ARHGAP15: variants seen among roughly 807,000 people sequenced by gnomAD.
ARHGAP15 encodes the protein Rho GTPase activating protein 15.
ARHGAP15 carries 51 observed loss-of-function variants against 63.7 expected under a neutral mutation model. That is an observed-to-expected ratio of 0.80 (90% confidence interval 0.64 to 1.01). The LOEUF is 1.01. Among genes scored for constraint, ARHGAP15 ranks in the 50% least tolerant of loss-of-function variants. The probability of loss-of-function intolerance (pLI) is 0.00; values close to 1 mark genes in which losing one functional copy is unlikely to be tolerated. For missense variants in ARHGAP15, 560 were observed against 564.6 expected (o/e 0.99, Z 0.08); for synonymous variants, 191 against 193.8 (o/e 0.99, Z 0.12).
intron 1 of ARHGAP15, among the ~76,000 whole-genome samples, chr2:143,141,177 C>A (rs1047721422): frequency 1.4e-4 from 21 of 152,062 alleles, no homozygotes; most frequent in African/African-American, 4.8e-4. Flanking sequence ...AATCCAACAA[C>A]ACTTGGGATT....
chr2:143,153,769 T>C (rs1481448067), intron 1 of ARHGAP15, among the ~76,000 whole-genome samples: 3 of 151,466 alleles, frequency 2.0e-5, no homozygotes, highest in Non-Finnish European at 4.4e-5. Context: ...AATGAAATTA[T>C]ATAATAAATC....
At chr2:143,240,919 T>C (rs1657524017) in intron 5 of ARHGAP15, among the ~76,000 whole-genome samples, 1 of 152,178 alleles carries the variant, frequency 6.6e-6, no homozygotes, top group African/African-American at 2.4e-5. Flanking sequence ...TAATTTTTAA[T>C]AACCACAGAA....
intron 12 of ARHGAP15, among the ~76,000 whole-genome samples, chr2:143,677,776 A>T (rs1682898465): frequency 6.6e-6 from 1 of 152,184 alleles, no homozygotes; most frequent in African/African-American, 2.4e-5. Flanking sequence ...AAATCTTAAA[A>T]CTCAAAGATA....
At chr2:143,160,842 AG>A (rs1314119156) in intron 2 of ARHGAP15, among the ~76,000 whole-genome samples, 1 of 151,982 alleles carries the variant, frequency 6.6e-6, no homozygotes, top group Non-Finnish European at 1.5e-5. Context: ...ACTTGCCAAA[AG>A]GTTCAGAAAG....
At chr2:143,390,116 T>A (rs922928426) in intron 6 of ARHGAP15, among the ~76,000 whole-genome samples, 1 of 151,894 alleles carries the variant, frequency 6.6e-6, no homozygotes, top group Non-Finnish European at 1.5e-5. Context: ...CCTTTAAATA[T>A]AAAAGAGATA....
At chr2:143,640,371 A>C (rs1032691196) in intron 12 of ARHGAP15, among the ~76,000 whole-genome samples, 5 of 152,078 alleles carry the variant, frequency 3.3e-5, no homozygotes, top group African/African-American at 1.2e-4. Context: ...TTGACAGTAA[A>C]TTCAAGAATT....
At chr2:143,332,395 TAAG>T (rs1481295797) in intron 6 of ARHGAP15, among the ~76,000 whole-genome samples, 2 of 152,146 alleles carry the variant, frequency 1.3e-5, no homozygotes, top group African/African-American at 2.4e-5. Flanking sequence ...AAATGCTTAA[TAAG>T]ATCTTCATCT....
At chr2:143,610,835 TCTC>T (rs1237206956) in intron 11 of ARHGAP15, among the ~76,000 whole-genome samples, 1 of 151,884 alleles carries the variant, frequency 6.6e-6, no homozygotes, top group African/African-American at 2.4e-5. Context: ...TTCAAGCAAT[TCTC>T]CTGTTTCAGC....
intron 5 of ARHGAP15, 21 bp from the exon 6 acceptor site, chr2:143,250,490 A>T (rs1558841692): frequency 5.6e-6 from 9 of 1,593,664 alleles, no homozygotes; most frequent in Non-Finnish European, 7.7e-6. Context: ...TCTTATTCTT[A>T]CTTCATTTTT....
chr2:143,179,602 T>C (rs1345694205), intron 2 of ARHGAP15, among the ~76,000 whole-genome samples: 1 of 152,184 alleles, frequency 6.6e-6, no homozygotes, highest in Non-Finnish European at 1.5e-5. Context: ...TAAAAAACAA[T>C]ATGAGCCAAG....
intron 6 of ARHGAP15, among the ~76,000 whole-genome samples, chr2:143,306,605 G>A (rs1173049145): frequency 6.6e-6 from 1 of 152,130 alleles, no homozygotes; most frequent in Non-Finnish European, 1.5e-5. Flanking sequence ...ACTTAGGAGA[G>A]GATCTATAAA....
intron 12 of ARHGAP15, among the ~76,000 whole-genome samples, chr2:143,646,448 C>T (rs902949824): frequency 6.6e-6 from 1 of 151,946 alleles, no homozygotes; most frequent in Non-Finnish European, 1.5e-5. Flanking sequence ...ATAAAGTGGG[C>T]CACTGCATTG....
chr2:143,659,494 T>C (rs1209014471), intron 12 of ARHGAP15, among the ~76,000 whole-genome samples: 1 of 152,230 alleles, frequency 6.6e-6, no homozygotes. Context: ...GTGTCTTTCA[T>C]GCCCTGGCTG....
intron 12 of ARHGAP15, among the ~76,000 whole-genome samples, chr2:143,625,408 C>A (rs904134363): frequency 4.6e-5 from 7 of 152,256 alleles, no homozygotes; most frequent in Middle Eastern, 3.4e-3. Flanking sequence ...GAAGAAATTT[C>A]TCTCCCAAGG....
At chr2:143,421,783 T>C (rs1312642253) in intron 6 of ARHGAP15, among the ~76,000 whole-genome samples, 1 of 12,536 alleles carries the variant, frequency 8.0e-5, no homozygotes, top group African/African-American at 1.6e-4. Flanking sequence ...TATATATATA[T>C]ATATATATAT....
intron 12 of ARHGAP15, among the ~76,000 whole-genome samples, chr2:143,662,032 T>C (rs1472353207): frequency 6.6e-6 from 1 of 152,118 alleles, no homozygotes; most frequent in Non-Finnish European, 1.5e-5. Context: ...TAGGTAAACA[T>C]AGCAGCCGGG....
intron 11 of ARHGAP15, among the ~76,000 whole-genome samples, chr2:143,583,465 T>G (rs1696989380): frequency 6.6e-6 from 1 of 152,170 alleles, no homozygotes; most frequent in Non-Finnish European, 1.5e-5. Flanking sequence ...TTTTACGAAC[T>G]GTTACTTTTA....
chr2:143,300,814 TAGAAA>T (rs1243234597), intron 6 of ARHGAP15, among the ~76,000 whole-genome samples: 2 of 152,108 alleles, frequency 1.3e-5, no homozygotes, highest in South Asian at 2.1e-4. Context: ...GTGTACAAGT[TAGAAA>T]AGAGGAATTT....
At chr2:143,429,026 G>T (rs1205896836) in intron 6 of ARHGAP15, among the ~76,000 whole-genome samples, 1 of 152,056 alleles carries the variant, frequency 6.6e-6, no homozygotes, top group Non-Finnish European at 1.5e-5. Flanking sequence ...TACACCAACT[G>T]CTTTGATTAG....
Sources: gnomAD v4.1 joint callset for allele counts (sites outside exome capture counted in the v4.1 genomes callset) on GRCh38, gnomAD v4.1.1 for gene constraint, MANE v1.5 for transcripts, NCBI Gene and HGNC (gene_info 2026-07-23, HGNC 2026-07-21) for gene names.